The following RALYL variants were observed in gnomAD, a reference collection of about 807,000 sequenced individuals.
RALYL encodes the protein RALY RNA binding protein like, also known as RNA-binding Raly-like protein.
RALYL carries 29 observed loss-of-function variants against 35.1 expected under a neutral mutation model. The observed-to-expected ratio is 0.83, with a 90% CI of 0.61 to 1.13. The LOEUF is 1.13. Ranked by LOEUF, RALYL falls within the 50% of genes most tolerant of loss-of-function variation. The probability of loss-of-function intolerance (pLI) is 0.00; values close to 1 mark genes in which losing one functional copy is unlikely to be tolerated. For synonymous variants in RALYL, 120 were observed against 127.6 expected, an observed-to-expected ratio of 0.94 and a Z score of 0.40; for missense variants, 359 against 360.4, an observed-to-expected ratio of 1.00 and a Z score of 0.03.
At chr8:84,312,288 G>C (rs1039322847) in intron 1 of RALYL, among the ~76,000 whole-genome samples, 5 of 152,178 alleles carry the variant, frequency 3.3e-5, no homozygotes, top group African/African-American at 9.6e-5. Flanking sequence ...TTCAAGATGA[G>C]ATTTAGGTGG....
intron 1 of RALYL, among the ~76,000 whole-genome samples, chr8:84,391,812 G>T (rs1351652119): frequency 6.6e-6 from 1 of 152,004 alleles, no homozygotes; most frequent in African/African-American, 2.4e-5. Context: ...ATGAGAGACT[G>T]CAGGAATTCA....
intron 2 of RALYL, among the ~76,000 whole-genome samples, chr8:84,705,013 C>T (rs940648611): frequency 1.3e-5 from 2 of 152,198 alleles, no homozygotes; most frequent in Admixed American, 6.5e-5. Context: ...AAATTTTTCA[C>T]TAGCATGTGG....
chr8:84,280,991 C>A (rs1303645260), intron 1 of RALYL, among the ~76,000 whole-genome samples: 1 of 152,058 alleles, frequency 6.6e-6, no homozygotes. Flanking sequence ...CTTCAGTTTG[C>A]ATAGGGAGGA....
chr8:84,788,251 T>C (rs1819999123), intron 3 of RALYL, among the ~76,000 whole-genome samples: 1 of 152,106 alleles, frequency 6.6e-6, no homozygotes, highest in African/African-American at 2.4e-5. Flanking sequence ...AACAGATATA[T>C]AGGCCAATGG....
chr8:84,905,229 T>A (rs1303492685), intron 8 of RALYL, among the ~76,000 whole-genome samples: 1 of 152,200 alleles, frequency 6.6e-6, no homozygotes, highest in Non-Finnish European at 1.5e-5. Flanking sequence ...TCAAGGTTCA[T>A]CCATGTTGTT....
chr8:84,340,001 T>G (rs1029495607), intron 1 of RALYL, among the ~76,000 whole-genome samples: 1 of 152,090 alleles, frequency 6.6e-6, no homozygotes, highest in African/African-American at 2.4e-5. Context: ...CCCATGCTGT[T>G]CCCGTGATAG....
At position 84,630,417 on chromosome 8, in the gene RALYL, C is replaced by T. The variant is rs113924149; in HGVS notation, c.256+100840C>T. Among the ~76,000 whole-genome samples, 1,219 of 151,942 alleles carry T rather than the reference C, an allele frequency of 8.0e-3. 15 individuals carry two copies. Among genetic ancestry groups the T allele is most frequent in the African/African-American group, 0.027 (1,128 of 41,470 alleles). Reference sequence around the variant, plus strand: ...ACTTCAAACAACAACAAGAAGAAACCCTATATTCAACCAAGAAAAAGGGAA... The same window carrying T: ...ACTTCAAACAACAACAAGAAGAAACTCTATATTCAACCAAGAAAAAGGGAA... On this transcript the variant is annotated intron_variant, in intron 2 of 8. Coordinates refer to ENST00000521268, the MANE Select transcript of RALYL (RefSeq NM_173848.7).
At chr8:84,515,382 T>G (rs1566792) in intron 1 of RALYL, among the ~76,000 whole-genome samples, 54,491 of 152,022 alleles carry the variant, frequency 0.36, 9,960 homozygotes, top group South Asian at 0.51. Flanking sequence ...TTATATATAC[T>G]GTCTTAAAAT....
intron 2 of RALYL, among the ~76,000 whole-genome samples, chr8:84,694,815 A>G (rs1227902795): frequency 6.6e-6 from 1 of 151,892 alleles, no homozygotes; most frequent in Non-Finnish European, 1.5e-5. Flanking sequence ...AAACACCGGA[A>G]TAGGCTGTTT....
At chr8:84,498,133 A>C (rs1233115333) in intron 1 of RALYL, among the ~76,000 whole-genome samples, 1 of 152,066 alleles carries the variant, frequency 6.6e-6, no homozygotes, top group Non-Finnish European at 1.5e-5. Flanking sequence ...GCTGGAAGCC[A>C]ACATAACTCC....
At chr8:84,411,571 C>T (rs1343332334) in intron 1 of RALYL, among the ~76,000 whole-genome samples, 1 of 151,840 alleles carries the variant, frequency 6.6e-6, no homozygotes, top group Non-Finnish European at 1.5e-5. Flanking sequence ...CATCTGTCTT[C>T]AAGTTACATC....
At position 84,334,803 on chromosome 8, in the gene RALYL, A is replaced by T. The variant is rs535481232; in HGVS notation, c.-24+150379A>T. The stretch of plus-strand genomic sequence containing the variant: ...CTTTACATTTTTTGCATTATGAAGA[A>T]TTATAAAATATTTGATATTTTGTTC... On this transcript the variant is annotated intron_variant, in intron 1 of 8. Coordinates refer to ENST00000521268, the MANE Select transcript of RALYL (RefSeq NM_173848.7). 1.5e-3 allele frequency among the ~76,000 whole-genome samples: 233 copies of T among 152,272 alleles called. 1 individual carries two copies. Among genetic ancestry groups the T allele is most frequent in the Non-Finnish European group, 2.5e-3 (170 of 68,026 alleles).
chr8:84,894,831 TGC>T (rs1844459382), intron 8 of RALYL, among the ~76,000 whole-genome samples: 1 of 152,234 alleles, frequency 6.6e-6, no homozygotes, highest in Non-Finnish European at 1.5e-5. Context: ...TAACGAACTC[TGC>T]CATTAAGGCA....
chr8:84,311,053 CAAAAAAAAAAAAAAAAAAAA>C (rs34029529), intron 1 of RALYL, among the ~76,000 whole-genome samples: 18 of 9,532 alleles, frequency 1.9e-3, no homozygotes, highest in South Asian at 7.9e-3. Flanking sequence ...GACTCCGTCT[CAAAAAAAAAAAAAAAAAAAA>C]AAAAAAAAAA....
At chr8:84,545,678 CATAA>C (rs1195401276) in intron 2 of RALYL, among the ~76,000 whole-genome samples, 1 of 152,024 alleles carries the variant, frequency 6.6e-6, no homozygotes, top group Non-Finnish European at 1.5e-5. Context: ...AATTTGTTAG[CATAA>C]ATAGAGTATT....
chr8:84,432,249 C>A (rs935298955), intron 1 of RALYL, among the ~76,000 whole-genome samples: 5 of 151,992 alleles, frequency 3.3e-5, no homozygotes, highest in African/African-American at 4.8e-5. Flanking sequence ...AATCTGGAAG[C>A]CATTATGCTA....
intron 1 of RALYL, among the ~76,000 whole-genome samples, chr8:84,391,208 C>A (rs1355688534): frequency 6.6e-6 from 1 of 151,942 alleles, no homozygotes; most frequent in African/African-American, 2.4e-5. Context: ...CATAATTCTG[C>A]ATTTGAGAGG....
In RALYL at chr8:84,405,823, C is replaced by CTTTTT. The variant is rs776007226; in HGVS notation, c.-23-123460_-23-123456dup. Reference sequence around the variant, plus strand: ...GTTTAATAATCTAGATATTTTCATTCTTTTTTTTTTTTTTTTTTTTGAGAC... The same window carrying CTTTTT: ...GTTTAATAATCTAGATATTTTCATTCTTTTTTTTTTTTTTTTTTTTTTTTTGAGAC... On this transcript the variant is annotated intron_variant, in intron 1 of 8. Coordinates refer to ENST00000521268, the MANE Select transcript of RALYL (RefSeq NM_173848.7). 9.2e-4 allele frequency among the ~76,000 whole-genome samples: 109 copies of CTTTTT among 118,126 alleles called. 2 individuals are homozygous for CTTTTT. Among genetic ancestry groups the CTTTTT allele is most frequent in the African/African-American group, 2.4e-3 (72 of 30,344 alleles). The allele number at this position is 118,126 out of a possible 152,430, so 77.5% of individuals were successfully genotyped here.
At chr8:84,346,095 G>T in intron 1 of RALYL, 3 of 983,800 alleles carry the variant, frequency 3.0e-6, no homozygotes, top group South Asian at 4.7e-5. Context: ...ATGAGCAATT[G>T]CTCTATTTTC....
Sources: allele counts gnomAD v4.1 joint callset (sites outside exome capture counted in the v4.1 genomes callset), GRCh38; gene constraint gnomAD v4.1.1; transcripts MANE v1.5; gene names NCBI Gene and HGNC (gene_info 2026-07-23, HGNC 2026-07-21).